Variants in SCAF1 observed in about 807,000 individuals in gnomAD.
SCAF1 encodes splicing factor, arginine/serine-rich 19.
A neutral mutation model predicts 91.2 loss-of-function variants in SCAF1; 28 were observed. That is an observed-to-expected ratio of 0.31 (90% CI 0.23 to 0.42). The LOEUF (loss-of-function observed/expected upper bound fraction) is 0.42, where lower values mean the gene tolerates loss of function less well. SCAF1 is among the 10% of genes least tolerant of loss of function. The pLI is 1.00. For missense variants in SCAF1, 1,893 were observed against 1,872.1 expected, an observed-to-expected ratio of 1.01 and a Z score of -0.21; for synonymous variants, 1,036 against 833.7, an observed-to-expected ratio of 1.24 and a Z score of -4.18.
rs898167001 is a variant in SCAF1, at chr19:49,654,504, G to A, written c.3399+73G>A. On this transcript the variant is annotated intron_variant, in intron 8 of 10. Coordinates refer to ENST00000360565, the MANE Select transcript of SCAF1 (RefSeq NM_021228.3). ...TGCCTCGGGTTAGGAGAGGAACCGC[G>A]GGCCTGGCAGCTCTGGGGCAAGGTA... 1.4e-5 allele frequency: 20 copies of A among 1,468,364 alleles called. No homozygotes were observed. The Admixed American group carries it at 1.8e-4, about 13-fold the overall frequency. The allele number at this position is 1,468,364 out of a possible 1,614,324, so 91.0% of individuals were successfully genotyped here.
rs1302586170 is a variant in SCAF1, at chr19:49,651,682, C to T, written c.1293C>T (p.Pro431=). The part of the protein sequence containing the change: ...PAASATPTAQ[P]LPQPPAPRAP... ...CCTCGGCCACCCCCACGGCCCAGCCCCTTCCTCAGCCTCCCGCTCCGCGGG... is the reference window on the plus strand; with the variant it reads ...CCTCGGCCACCCCCACGGCCCAGCCTCTTCCTCAGCCTCCCGCTCCGCGGG... The change falls in exon 7 of 11, where the codon CCC becomes CCT. Residue 431 remains proline (P), a synonymous_variant. Transcript: ENST00000360565. 2 of 1,403,664 alleles carry T rather than the reference C, an allele frequency of 1.4e-6. No homozygotes were observed. The highest frequency in any genetic ancestry group is 3.6e-5 in the Admixed American group (1 of 28,030). The allele number at this position is 1,403,664 out of a possible 1,614,324, so 87.0% of individuals were successfully genotyped here.
chr19:49,655,568 C>A (rs1310224255), intron 9 of SCAF1, among the ~76,000 whole-genome samples: 1 of 152,132 alleles, frequency 6.6e-6, no homozygotes, highest in South Asian at 2.1e-4. Flanking sequence ...CATTTCACCA[C>A]GTTGGCCAGG....
At position 49,645,532 on chromosome 19, in the gene SCAF1, C is replaced by T. The variant is rs2081049997; in HGVS notation, c.166+121C>T. 1 of 966,626 alleles carries T rather than the reference C, an allele frequency of 1.0e-6. No individual in the cohort carries two copies. Among genetic ancestry groups the T allele is most frequent in the Non-Finnish European group, 1.6e-6 (1 of 644,124 alleles). 59.9% of individuals were successfully genotyped at this position (966,626 alleles called of 1,614,324 possible). A position where few individuals can be genotyped will look rare whatever the true frequency, so the allele number is the denominator to read the frequency against. ...CCACCCTTGTGCTGGCATGGGGAGC[C>T]AAAAATGGGCAGACACCCTGTAGCT... On this transcript the variant is annotated intron_variant, in intron 3 of 10. Coordinates refer to ENST00000360565, the MANE Select transcript of SCAF1 (RefSeq NM_021228.3). The surrounding 1 kb of genome is among the most constrained non-coding windows in gnomAD (Gnocchi z 4.6).
In SCAF1 at chr19:49,658,369, T is replaced by G. The variant is rs1599836069; in HGVS notation, c.3909T>G (p.Gly1303=). The G allele has an allele frequency of 6.4e-7, 1 of 1,552,472 alleles. No individual in the cohort carries two copies. Among genetic ancestry groups the G allele is most frequent in the Admixed American group, 1.9e-5 (1 of 51,520 alleles). Residue 1303 remains glycine, a synonymous_variant, in exon 11 of 11, where the codon GGT becomes GGG. Transcript: ENST00000360565. ...AGGAGCCAGGGCCCCCAGACAAGGG[T>G]GGCCCGGGCCTGCCCCTGCCCCCTC... ...PPKEPGPPDK[G]GPGLPLPPL
At position 49,652,026 on chromosome 19, in the gene SCAF1, C is replaced by T. The variant is rs1461404517; in HGVS notation, c.1637C>T (p.Pro546Leu). ...GGCACCCAGCCAGCGCCGCCCGCCC[C>T]GGCCTCGCCCTGGGACTCCAAGAAG... ...SSGTQPAPPA[P>L]ASPWDSKKHR... The change falls in exon 7 of 11, where the codon CCG becomes CTG. Residue 546 changes from proline (P) to leucine (L), a missense_variant. By Grantham distance (98) the Pro-to-Leu change is moderately conservative (BLOSUM62 -3). Coordinates refer to ENST00000360565, the MANE Select transcript of SCAF1 (RefSeq NM_021228.3). The T allele has an allele frequency of 8.2e-6, 10 of 1,220,844 alleles. No individual in the cohort carries two copies. The highest frequency in any genetic ancestry group is 3.4e-5 in the African/African-American group (2 of 59,620). The allele number at this position is 1,220,844 out of a possible 1,614,324, so 75.6% of individuals were successfully genotyped here.
intron 9 of SCAF1, among the ~76,000 whole-genome samples, chr19:49,655,697 C>T (rs747673188): frequency 2.0e-5 from 3 of 152,080 alleles, no homozygotes; most frequent in Admixed American, 6.6e-5. Flanking sequence ...CAGGGTCTCG[C>T]TTTGTCACCC....
In SCAF1 at chr19:49,645,557, TGCCTTGGAAGG is replaced by T; in HGVS notation, c.166+151_166+161del. On this transcript the variant is annotated intron_variant, in intron 3 of 10. Coordinates refer to ENST00000360565, the MANE Select transcript of SCAF1 (RefSeq NM_021228.3). The surrounding 1 kb of genome is among the most constrained non-coding windows in gnomAD (Gnocchi z 4.6). Reference sequence around the variant, plus strand: ...CAAAAATGGGCAGACACCCTGTAGCTGCCTTGGAAGGGCCTAGTGTGCAGTGGAAGGGAGAC... The same window carrying T: ...CAAAAATGGGCAGACACCCTGTAGCTGCCTAGTGTGCAGTGGAAGGGAGAC... 1.3e-6 allele frequency: 1 copy of T among 764,322 alleles called. No homozygotes were observed. 47.3% of individuals were successfully genotyped at this position (764,322 alleles called of 1,614,324 possible).
rs1179188461 is a variant in SCAF1, at chr19:49,646,706, G to A, written c.363-9G>A. ...CCCCTGAGGCTCACCCACCCCTTCC[G>A]CCTTGCAGAAGTGAGGACATGCTGG... On this transcript the variant is annotated splice_polypyrimidine_tract_variant and intron_variant, in intron 5 of 10. Transcript: ENST00000360565. The surrounding 1 kb of genome is among the most constrained non-coding windows in gnomAD (Gnocchi z 5.6). 5.6e-6 allele frequency: 9 copies of A among 1,613,772 alleles called. No individual in the cohort carries two copies. Among genetic ancestry groups the A allele is most frequent in the Non-Finnish European group, 7.6e-6 (9 of 1,179,786 alleles).
Position 49,653,451 on chromosome 19 carries a change from CGGAGGA to C in SCAF1, c.3075_3080del (p.Glu1038_Glu1039del), listed in dbSNP as rs763319732. On this transcript the variant is annotated inframe_deletion, in exon 7 of 11. Coordinates refer to ENST00000360565, the MANE Select transcript of SCAF1 (RefSeq NM_021228.3). ...GAGGAGGCTGGGGTCCGAGGTGGGG[CGGAGGA>C]GGAGGAGGAGGAAGAAGAAGAGGAG... 1.8e-4 allele frequency: 272 copies of C among 1,537,358 alleles called. 1 individual carries two copies. Among genetic ancestry groups the C allele is most frequent in the Non-Finnish European group, 2.1e-4 (243 of 1,140,992 alleles).
intron 6 of SCAF1, among the ~76,000 whole-genome samples, chr19:49,647,638 ATGTTTACCT>A (rs1304224070): frequency 4.6e-5 from 7 of 152,172 alleles, no homozygotes; most frequent in African/African-American, 9.7e-5. Context: ...GTGCCAGGTC[ATGTTTACCT>A]TGTTTACCTT....
Position 49,653,682 on chromosome 19 carries a change from G to A in SCAF1, c.3293G>A (p.Cys1098Tyr). Residue 1098 changes from cysteine (C) to tyrosine (Y), a missense_variant, in exon 7 of 11, where the codon TGC becomes TAC. Physicochemically the swap from Cys to Tyr is radical, Grantham distance 194 (BLOSUM62 -2). Around this residue, in one of 5 missense-constraint regions of SCAF1, gnomAD observed 1,436 missense variants for 1,306.8 expected, o/e 1.10. Coordinates refer to ENST00000360565, the MANE Select transcript of SCAF1 (RefSeq NM_021228.3). Reference sequence around the variant, plus strand: ...TGGAATCTGCCAGCTGGTGTGGACTGCACCACCAGCGGCGTCCTGGCCTGT... The same window carrying A: ...TGGAATCTGCCAGCTGGTGTGGACTACACCACCAGCGGCGTCCTGGCCTGT... ...MPWNLPAGVDCTTSGVLALTA... is the reference protein window; with the variant it reads ...MPWNLPAGVDYTTSGVLALTA... 1.3e-6 allele frequency: 2 copies of A among 1,579,120 alleles called. No homozygotes were observed. Among genetic ancestry groups the A allele is most frequent in the Non-Finnish European group, 1.7e-6 (2 of 1,168,098 alleles).
rs777532820 is a variant in SCAF1, at chr19:49,653,124, A to C, written c.2735A>C (p.Lys912Thr). ...GCCAAGGCAGGGGCCAAGAAAACCA[A>C]GGGGACCAAGGGAAAGACCAAGCCA... Reference protein sequence around the residue: ...VKAKAGAKKTKGTKGKTKPSK... With the variant: ...VKAKAGAKKTTGTKGKTKPSK... Residue 912 changes from lysine to threonine, a missense_variant, in exon 7 of 11, where the codon AAG becomes ACG. Transcript: ENST00000360565. 1 of 1,611,186 alleles carries C rather than the reference A, an allele frequency of 6.2e-7. No individual in the cohort carries two copies. The highest frequency in any genetic ancestry group is 1.1e-5 in the South Asian group (1 of 90,774).
Position 49,653,038 on chromosome 19 carries a change from C to A in SCAF1, c.2649C>A (p.Ala883=). 6.2e-7 allele frequency: 1 copy of A among 1,613,962 alleles called. No individual in the cohort carries two copies. Among genetic ancestry groups the A allele is most frequent in the East Asian group, 2.2e-5 (1 of 44,878 alleles). The change falls in exon 7 of 11, where the codon GCC becomes GCA. Residue 883 remains alanine (A), a synonymous_variant. Coordinates refer to ENST00000360565, the MANE Select transcript of SCAF1 (RefSeq NM_021228.3). ...CCTTCCTCAAACCTGACGAGCGGGC[C>A]CCCACTGAGATGGCCAAAGCAGCTC... ...RSPFLKPDER[A]PTEMAKAAPG...
In SCAF1 at chr19:49,652,389, C is replaced by T. The variant is rs774026963; in HGVS notation, c.2000C>T (p.Pro667Leu). Residue 667 changes from proline (P) to leucine (L), a missense_variant, in exon 7 of 11, where the codon CCG becomes CTG. Pro to Leu is a moderately conservative substitution (Grantham distance 98, BLOSUM62 -3). Transcript: ENST00000360565. ...DGSEKAPAPA[P>L]PPSGSTSCGD... ...AGCGAGAAGGCCCCGGCGCCCGCCC[C>T]GCCGCCCTCTGGCTCCACCTCGTGT... The T allele has an allele frequency of 6.4e-6, 10 of 1,563,356 alleles. No individual in the cohort carries two copies. The highest frequency in any genetic ancestry group is 1.2e-5 in the South Asian group (1 of 86,108).
Position 49,642,431 on chromosome 19 carries a change from G to A in SCAF1, c.-7+189G>A, listed in dbSNP as rs903664980. ...GAGAGGGGGGCCTTCTCAGGGCCCC[G>A]GGACGCATCCGTGGGTTCCTGGGGG... is the stretch of plus-strand genomic sequence containing the variant. On this transcript the variant is annotated intron_variant, in intron 1 of 10. Transcript: ENST00000360565. The surrounding 1 kb of genome is among the most constrained non-coding windows in gnomAD (Gnocchi z 4.0). Among the ~76,000 whole-genome samples, 13 of 152,160 alleles carry A rather than the reference G, an allele frequency of 8.5e-5. No homozygotes were observed. The highest frequency in any genetic ancestry group is 1.6e-4 in the Non-Finnish European group (11 of 68,016).
upstream of SCAF1, among the ~76,000 whole-genome samples, chr19:49,640,486 A>T (rs1379090291): frequency 6.6e-6 from 1 of 152,190 alleles, no homozygotes; most frequent in African/African-American, 2.4e-5. Flanking sequence ...GACCCCTGTG[A>T]CACTGCTGCT....
At chr19:49,643,039 G>T (rs1042030431) in intron 1 of SCAF1, among the ~76,000 whole-genome samples, 1 of 152,216 alleles carries the variant, frequency 6.6e-6, no homozygotes, top group Non-Finnish European at 1.5e-5. Context: ...AATGCCTTTG[G>T]GGTCAGAGCA....
chr19:49,646,235 C>A lies in SCAF1; in HGVS notation c.261+33C>A, dbSNP rs201370446. On this transcript the variant is annotated intron_variant, in intron 4 of 10. Coordinates refer to ENST00000360565, the MANE Select transcript of SCAF1 (RefSeq NM_021228.3). This position sits in a 1 kb window ranked among gnomAD's most constrained non-coding sequence, Gnocchi z 5.6. ...AGAAGAGGGGGCTGGGGGCCTGGCTCACGGGTATCAGGGAGGAAGGGATGG... is the reference window on the plus strand; with the variant it reads ...AGAAGAGGGGGCTGGGGGCCTGGCTAACGGGTATCAGGGAGGAAGGGATGG... 2 of 1,536,334 alleles carry A rather than the reference C, an allele frequency of 1.3e-6. No individual in the cohort carries two copies. The highest frequency in any genetic ancestry group is 1.1e-5 in the South Asian group (1 of 88,364).
intron 9 of SCAF1, among the ~76,000 whole-genome samples, chr19:49,655,589 C>T (rs1349271246): frequency 6.6e-6 from 1 of 152,092 alleles, no homozygotes; most frequent in Non-Finnish European, 1.5e-5. Flanking sequence ...CTGGTCTTGA[C>T]TCCTGACCTC....
Sources: gnomAD v4.1 joint callset for allele counts (sites outside exome capture counted in the v4.1 genomes callset) on GRCh38, gnomAD v4.1.1 for gene constraint, gnomAD v4.1.1 regional missense constraint, Gnocchi (gnomAD v3.1) non-coding constraint, MANE v1.5 for transcripts, NCBI Gene and HGNC (gene_info 2026-07-23, HGNC 2026-07-21) for gene names.